The following NRXN1 variants were observed in gnomAD, a reference collection of about 807,000 sequenced individuals.
The protein encoded by NRXN1 is neurexin-1.
Under a neutral mutation model 150.9 loss-of-function variants are expected in NRXN1, and 39 were observed. The ratio of observed to expected loss-of-function variants is 0.26; its 90% CI spans 0.20 to 0.34. The LOEUF is 0.34. NRXN1 is among the 10% of genes least tolerant of loss of function. NRXN1 has a pLI of 1.00. For missense variants in NRXN1, 1,815 were observed against 1,949.9 expected, an observed-to-expected ratio of 0.93 and a Z score of 1.30; for synonymous variants, 924 against 757.0, an observed-to-expected ratio of 1.22 and a Z score of -3.62.
chr2:50,215,384 G>A (rs1019442712), intron 18 of NRXN1, among the ~76,000 whole-genome samples: 3 of 151,992 alleles, frequency 2.0e-5, no homozygotes, highest in African/African-American at 7.2e-5. Flanking sequence ...CTCAACAAAT[G>A]AATCCAATTC....
intron 21 of NRXN1, among the ~76,000 whole-genome samples, chr2:50,039,373 G>C (rs949809309): frequency 4.6e-5 from 7 of 152,126 alleles, no homozygotes; most frequent in African/African-American, 1.4e-4. Flanking sequence ...GGCTGAAGCA[G>C]GATAATCGCT....
intron 18 of NRXN1, among the ~76,000 whole-genome samples, chr2:50,165,336 A>C (rs1179041201): frequency 6.6e-6 from 1 of 152,064 alleles, no homozygotes; most frequent in Non-Finnish European, 1.5e-5. Context: ...TTCTGGATGA[A>C]GCCTCAGCAC....
intron 22 of NRXN1, among the ~76,000 whole-genome samples, chr2:49,939,133 CA>C (rs1428129522): frequency 6.6e-6 from 1 of 152,148 alleles, no homozygotes; most frequent in Non-Finnish European, 1.5e-5. Context: ...TTGAGCAAAA[CA>C]TTTTTTCTAT....
At chr2:50,103,372 T>C (rs10181708) in intron 18 of NRXN1, among the ~76,000 whole-genome samples, 91,615 of 151,700 alleles carry the variant, frequency 0.6, 28,608 homozygotes, top group African/African-American at 0.74. Context: ...ATCACTTGAC[T>C]GGTTTTTCAA....
intron 2 of NRXN1, among the ~76,000 whole-genome samples, chr2:51,001,204 C>G (rs1265262803): frequency 8.4e-6 from 1 of 118,968 alleles, no homozygotes; most frequent in African/African-American, 3.3e-5. Context: ...TGGTTCCAAC[C>G]ACATACGTAC....
intron 17 of NRXN1, among the ~76,000 whole-genome samples, chr2:50,279,389 C>T (rs1023218141): frequency 6.6e-6 from 1 of 152,116 alleles, no homozygotes; most frequent in African/African-American, 2.4e-5. Context: ...ACATAACATG[C>T]TAGCAAAATA....
chr2:50,511,957 T>C (rs909874602), intron 12 of NRXN1, among the ~76,000 whole-genome samples: 5 of 152,168 alleles, frequency 3.3e-5, no homozygotes, highest in African/African-American at 9.7e-5. Flanking sequence ...TGGGAGGTAA[T>C]GGTAAAGAAA....
rs2089598865 is a variant in NRXN1 at position 50,472,539 on chromosome 2, G to T, written c.3071-68C>A. ...TTGACTTTAAACACACAGTAGGATG[G>T]AGAAAAAACAGGGAGGTTTATTTTT... On this transcript the variant is annotated intron_variant, in intron 15 of 22. Coordinates refer to ENST00000401669, the MANE Select transcript of NRXN1 (RefSeq NM_001330078.2). 2.4e-6 allele frequency: 3 copies of T among 1,244,450 alleles called. No individual in the cohort carries two copies. The African/African-American group carries it at 4.9e-5, about 20-fold the overall frequency. The allele number at this position is 1,244,450 out of a possible 1,614,324, so 77.1% of individuals were successfully genotyped here.
chr2:50,679,891 G>A (rs1263772806), intron 5 of NRXN1, among the ~76,000 whole-genome samples: 1 of 152,074 alleles, frequency 6.6e-6, no homozygotes, highest in East Asian at 1.9e-4. Flanking sequence ...CCAGCACTTT[G>A]GGAGGCCAAG....
At chr2:50,803,050 G>A (rs1253043495) in intron 5 of NRXN1, among the ~76,000 whole-genome samples, 1 of 152,108 alleles carries the variant, frequency 6.6e-6, no homozygotes, top group Non-Finnish European at 1.5e-5. Context: ...TTTTGTGGTA[G>A]CCCTAAACAA....
At chr2:50,988,585 C>G (rs1698067950) in intron 2 of NRXN1, among the ~76,000 whole-genome samples, 1 of 151,908 alleles carries the variant, frequency 6.6e-6, no homozygotes, top group Non-Finnish European at 1.5e-5. Context: ...AATCCCCTCT[C>G]CTGTTTAAAT....
At chr2:50,648,793 C>A (rs539732813) in intron 5 of NRXN1, among the ~76,000 whole-genome samples, 1 of 151,814 alleles carries the variant, frequency 6.6e-6, no homozygotes, top group African/African-American at 2.4e-5. Flanking sequence ...TTCTACCCAC[C>A]GTGCTGAACT....
chr2:50,054,851 T>C, intron 20 of NRXN1, 104 bp downstream of exon 20: 1 of 729,026 alleles, frequency 1.4e-6, no homozygotes, highest in Non-Finnish European at 2.2e-6. Context: ...TTAATTTAGT[T>C]TTACGGAAAA....
intron 17 of NRXN1, among the ~76,000 whole-genome samples, chr2:50,381,016 G>T (rs973000639): frequency 6.6e-6 from 1 of 151,950 alleles, no homozygotes; most frequent in Non-Finnish European, 1.5e-5. Flanking sequence ...TGATTTATTT[G>T]TCTCTATTTA....
At chr2:50,445,405 CAAAGGG>C (rs1432186797) in intron 17 of NRXN1, among the ~76,000 whole-genome samples, 1 of 152,128 alleles carries the variant, frequency 6.6e-6, no homozygotes, top group East Asian at 1.9e-4. Context: ...TCTTGGATCA[CAAAGGG>C]AATGAATCAT....
intron 18 of NRXN1, among the ~76,000 whole-genome samples, chr2:50,205,132 T>A (rs1448674246): frequency 6.6e-6 from 1 of 152,100 alleles, no homozygotes; most frequent in South Asian, 2.1e-4. Context: ...ACAGAGTTGA[T>A]GAGAACCCAG....
chr2:51,003,795 G>A (rs1575185640), intron 2 of NRXN1, among the ~76,000 whole-genome samples: 1 of 152,076 alleles, frequency 6.6e-6, no homozygotes, highest in Admixed American at 6.6e-5. Context: ...ATTTTAAACT[G>A]TTACCAAACA....
At chr2:51,025,150 T>G (rs1205292985) in intron 2 of NRXN1, among the ~76,000 whole-genome samples, 1 of 152,204 alleles carries the variant, frequency 6.6e-6, no homozygotes, top group Non-Finnish European at 1.5e-5. Flanking sequence ...TCCAATCTTT[T>G]GTTTTCCTTC....
chr2:50,551,050 G>GGAAGAGGAAGAAGAAGAA (rs1335681510), intron 9 of NRXN1, among the ~76,000 whole-genome samples: 6 of 79,012 alleles, frequency 7.6e-5, no homozygotes, highest in African/African-American at 2.9e-4. Flanking sequence ...AAGAGGAAGA[G>GGAAGAGGAAGAAGAAGAA]GAAGAAGAAG....
Sources: allele counts gnomAD v4.1 joint callset (sites outside exome capture counted in the v4.1 genomes callset), GRCh38; gene constraint gnomAD v4.1.1; transcripts MANE v1.5; gene names NCBI Gene and HGNC (gene_info 2026-07-23, HGNC 2026-07-21).